The following SDK2 variants were observed in gnomAD, a reference collection of about 807,000 sequenced individuals.
The protein encoded by SDK2 is protein sidekick-2.
A neutral mutation model predicts 253.9 loss-of-function variants in SDK2; 105 were observed. That is an observed-to-expected ratio of 0.41 (90% confidence interval 0.35 to 0.49). SDK2 has a LOEUF of 0.49. SDK2 is among the 20% of genes least tolerant of loss of function. SDK2 has a pLI of 0.06. For missense variants in SDK2, 2,608 were observed against 3,003.0 expected, an observed-to-expected ratio of 0.87 and a Z score of 3.07; for synonymous variants, 1,249 against 1,234.9, an observed-to-expected ratio of 1.01 and a Z score of -0.24.
chr17:73,433,661 C>T (rs1027958322), intron 10 of SDK2, 71 bp downstream of exon 10: 13 of 1,204,910 alleles, frequency 1.1e-5, no homozygotes, highest in Non-Finnish European at 1.6e-5. Flanking sequence ...CTGGCTGGCT[C>T]CAGAGCCTAG....
At chr17:73,589,304 T>A in intron 1 of SDK2, among the ~76,000 whole-genome samples, 1 of 152,214 alleles carries the variant, frequency 6.6e-6, no homozygotes, top group African/African-American at 2.4e-5. Context: ...TCTCTTCTAG[T>A]CCCTCCCAAG....
chr17:73,585,903 G>C (rs1020500361), intron 1 of SDK2, among the ~76,000 whole-genome samples: 1 of 152,160 alleles, frequency 6.6e-6, no homozygotes, highest in Non-Finnish European at 1.5e-5. Context: ...ATACAGAATT[G>C]AATGTCATTA....
In SDK2 at chr17:73,583,896, C is replaced by T. The variant is rs554794731; in HGVS notation, c.64+60129G>A. Reference sequence around the variant, plus strand: ...GTAGTGACTTCTGAGCCTCAGTTTCCTCAACTGTCAAATCCACCAGGGATC... The same window carrying T: ...GTAGTGACTTCTGAGCCTCAGTTTCTTCAACTGTCAAATCCACCAGGGATC... On this transcript the variant is annotated intron_variant, in intron 1 of 44. Transcript: ENST00000392650. 3.3e-5 allele frequency among the ~76,000 whole-genome samples: 5 copies of T among 152,338 alleles called. No individual in the cohort carries two copies. In the South Asian group the frequency reaches 1.0e-3, roughly 32 times the overall value.
chr17:73,415,736 G>A (rs976663533), intron 17 of SDK2, 75 bp downstream of exon 17: 7 of 1,325,460 alleles, frequency 5.3e-6, no homozygotes, highest in African/African-American at 2.9e-5. Context: ...CAATCCTCCC[G>A]TCTTGGCGTC....
At chr17:73,591,493 G>T (rs888727799) in intron 1 of SDK2, among the ~76,000 whole-genome samples, 1 of 152,194 alleles carries the variant, frequency 6.6e-6, no homozygotes. Flanking sequence ...AGGATGTTCG[G>T]TTACACTTGA....
intron 16 of SDK2, among the ~76,000 whole-genome samples, chr17:73,417,829 G>A (rs1406505378): frequency 2.0e-5 from 3 of 152,096 alleles, no homozygotes; most frequent in Admixed American, 6.6e-5. Context: ...AAGTAAATGT[G>A]TACAAGCAAA....
intron 2 of SDK2, among the ~76,000 whole-genome samples, chr17:73,503,063 T>C (rs1292576330): frequency 1.3e-5 from 2 of 152,186 alleles, no homozygotes; most frequent in African/African-American, 2.4e-5. Context: ...TGAGGGAAAT[T>C]CTGCAAAGCC....
intron 36 of SDK2, among the ~76,000 whole-genome samples, chr17:73,372,381 C>T (rs1307371538): frequency 1.3e-5 from 2 of 152,146 alleles, no homozygotes; most frequent in African/African-American, 4.8e-5. Context: ...CATGTGGCCC[C>T]CTTGGGACCC....
chr17:73,461,358 T>C (rs2063561122), intron 3 of SDK2, among the ~76,000 whole-genome samples: 1 of 152,182 alleles, frequency 6.6e-6, no homozygotes, highest in African/African-American at 2.4e-5. Flanking sequence ...AATAAGTAAA[T>C]CAACCCAAAA....
At chr17:73,559,740 C>T (rs1313540821) in intron 1 of SDK2, among the ~76,000 whole-genome samples, 2 of 152,188 alleles carry the variant, frequency 1.3e-5, no homozygotes, top group East Asian at 3.8e-4. Context: ...CTTTTCTTCC[C>T]TACCTCCCTG....
chr17:73,592,619 C>A (rs990383902), intron 1 of SDK2, among the ~76,000 whole-genome samples: 3 of 152,174 alleles, frequency 2.0e-5, no homozygotes, highest in Non-Finnish European at 2.9e-5. Context: ...AGCTGTCACC[C>A]TGAGTCAAGC....
chr17:73,603,303 C>A (rs1030631268), intron 1 of SDK2, among the ~76,000 whole-genome samples: 8 of 152,322 alleles, frequency 5.3e-5, no homozygotes, highest in Middle Eastern at 3.4e-3. Context: ...ACCATTGCTG[C>A]CTGGCCATGC....
intron 3 of SDK2, among the ~76,000 whole-genome samples, chr17:73,469,660 T>G (rs1266950403): frequency 6.6e-6 from 1 of 152,130 alleles, no homozygotes; most frequent in Non-Finnish European, 1.5e-5. Flanking sequence ...TGGCCTGGTG[T>G]GGAGGGAGTT....
Position 73,386,336 on chromosome 17 carries a change from T to C in SDK2, c.4498+109A>G, listed in dbSNP as rs374534412. On this transcript the variant is annotated intron_variant, in intron 31 of 44. Coordinates refer to ENST00000392650, the MANE Select transcript of SDK2 (RefSeq NM_001144952.2). The stretch of plus-strand genomic sequence containing the variant: ...CCCGGGAGCTGAAGGGCCCAGTGGG[T>C]CCCACGCCTCTCTCATCTTTGGAGG... 6.4e-4 allele frequency: 525 copies of C among 817,272 alleles called. 3 individuals carry two copies. In the East Asian group the frequency reaches 0.012, roughly 19 times the overall value. 50.6% of individuals were successfully genotyped at this position (817,272 alleles called of 1,614,324 possible).
chr17:73,346,957 C>G (rs1418273764), intron 44 of SDK2, among the ~76,000 whole-genome samples: 1 of 152,228 alleles, frequency 6.6e-6, no homozygotes. Flanking sequence ...CATCAGCCCC[C>G]ACTTGAAGGT....
At chr17:73,394,693 T>C (rs756323500) in intron 25 of SDK2, among the ~76,000 whole-genome samples, 3 of 152,100 alleles carry the variant, frequency 2.0e-5, no homozygotes, top group Non-Finnish European at 2.9e-5. Flanking sequence ...CAGTGAACCA[T>C]GTGTGGATGG....
At position 73,394,333 on chromosome 17, in the gene SDK2, G is replaced by T. The variant is rs758201939; in HGVS notation, c.3593-9C>A. The stretch of plus-strand genomic sequence containing the variant: ...GGGGCCGGAAGAGGGAACTGTGGGG[G>T]AAAGGGAGTGGAGAGAAGGCACTCA... On this transcript the variant is annotated splice_polypyrimidine_tract_variant and intron_variant, in intron 25 of 44. Transcript: ENST00000392650. 1 of 1,552,652 alleles carries T rather than the reference G, an allele frequency of 6.4e-7. No individual in the cohort carries two copies. Among genetic ancestry groups the T allele is most frequent in the Non-Finnish European group, 8.7e-7 (1 of 1,143,082 alleles).
In SDK2 at chr17:73,422,274, C is replaced by T; in HGVS notation, c.2045+13G>A. On this transcript the variant is annotated intron_variant, in intron 15 of 44. Coordinates refer to ENST00000392650, the MANE Select transcript of SDK2 (RefSeq NM_001144952.2). ...GTCCTGGCGACGCCCCTGTAGAGCGCCAGTGCCCTCACCTCTCGGTGTCTT... is the reference window on the plus strand; with the variant it reads ...GTCCTGGCGACGCCCCTGTAGAGCGTCAGTGCCCTCACCTCTCGGTGTCTT... 6.2e-7 allele frequency: 1 copy of T among 1,613,588 alleles called. No individual in the cohort carries two copies. The highest frequency in any genetic ancestry group is 1.1e-5 in the South Asian group (1 of 91,066).
At position 73,467,258 on chromosome 17, in the gene SDK2, AT is replaced by A. The variant is rs758568959; in HGVS notation, c.331+4853del. On this transcript the variant is annotated intron_variant, in intron 3 of 44. Coordinates refer to ENST00000392650, the MANE Select transcript of SDK2 (RefSeq NM_001144952.2). The surrounding 1 kb of genome is among the most constrained non-coding windows in gnomAD (Gnocchi z 4.1). Reference sequence around the variant, plus strand: ...CCCTCACCCTCCTCCCACACACCCAATTTTGATTTTTCTCTTCTTGTCCTCA... The same window carrying A: ...CCCTCACCCTCCTCCCACACACCCAATTTGATTTTTCTCTTCTTGTCCTCA... 1.3e-4 allele frequency among the ~76,000 whole-genome samples: 19 copies of A among 151,694 alleles called. No homozygotes were observed. Among genetic ancestry groups the A allele is most frequent in the Middle Eastern group, 3.4e-3 (1 of 292 alleles).
Sources: allele counts gnomAD v4.1 joint callset (sites outside exome capture counted in the v4.1 genomes callset), GRCh38; gene constraint gnomAD v4.1.1; non-coding constraint Gnocchi (gnomAD v3.1); transcripts MANE v1.5; gene names NCBI Gene and HGNC (gene_info 2026-07-23, HGNC 2026-07-21).